The following PRKAA2 variants were observed in gnomAD, a reference collection of about 807,000 sequenced individuals.
PRKAA2 encodes 5'-AMP-activated protein kinase catalytic subunit alpha-2.
In PRKAA2, 40 loss-of-function variants were observed where a neutral mutation model predicts 56.3. That is an observed-to-expected ratio of 0.71 (90% CI 0.55 to 0.92). PRKAA2 has a LOEUF of 0.92. Ranked by LOEUF, PRKAA2 falls within the 40% of genes least tolerant of loss-of-function variation. PRKAA2 has a pLI of 0.00. For synonymous variants in PRKAA2, 214 were observed against 234.2 expected (o/e 0.91, Z 0.79); for missense variants, 542 against 686.9 (o/e 0.79, Z 2.36).
chr1:56,648,103 G>T (rs1307213573), intron 1 of PRKAA2, among the ~76,000 whole-genome samples: 2 of 151,840 alleles, frequency 1.3e-5, no homozygotes, highest in African/African-American at 2.4e-5. Context: ...TCCATTCTAA[G>T]TGTACAATTC....
intron 2 of PRKAA2, among the ~76,000 whole-genome samples, chr1:56,678,584 T>A (rs544436767): frequency 6.6e-6 from 1 of 152,346 alleles, no homozygotes; most frequent in African/African-American, 2.4e-5. Flanking sequence ...AAGTAGAATT[T>A]GTTGAATTGA....
chr1:56,649,218 A>G (rs1247385223), intron 1 of PRKAA2, among the ~76,000 whole-genome samples: 1 of 152,110 alleles, frequency 6.6e-6, no homozygotes. Context: ...ATCTATTTTG[A>G]GTTAATTCTT....
chr1:56,676,971 G>C (rs538484529), intron 2 of PRKAA2, among the ~76,000 whole-genome samples: 1 of 152,288 alleles, frequency 6.6e-6, no homozygotes, highest in East Asian at 1.9e-4. Flanking sequence ...TGAGGTCCCT[G>C]AAATTGCATG....
intron 2 of PRKAA2, among the ~76,000 whole-genome samples, chr1:56,686,514 A>G (rs1644192190): frequency 2.0e-5 from 3 of 152,194 alleles, no homozygotes; most frequent in Admixed American, 2.0e-4. Context: ...CAGGCTGTAC[A>G]GGAAACATGG....
Position 56,645,348 on chromosome 1 carries a change from CGGA to C in PRKAA2, c.-38_-36del, listed in dbSNP as rs1646630549. 7.0e-7 allele frequency: 1 copy of C among 1,419,794 alleles called. No homozygotes were observed. The highest frequency in any genetic ancestry group is 1.3e-5 in the South Asian group (1 of 77,708). The allele number at this position is 1,419,794 out of a possible 1,614,324, so 87.9% of individuals were successfully genotyped here. On this transcript the variant is annotated 5_prime_UTR_variant, in exon 1 of 9. Transcript: ENST00000371244. ...GTAGGCGGCGGCGGCGGCGGCTACG[CGGA>C]GCGGCAGGCGGTGGAGCGAGGCCGC...
chr1:56,656,832 A>G (rs760160071), intron 1 of PRKAA2, among the ~76,000 whole-genome samples: 8 of 152,204 alleles, frequency 5.3e-5, no homozygotes, highest in Non-Finnish European at 1.0e-4. Flanking sequence ...AAGTTCTCAT[A>G]AAAAGCTAAG....
At chr1:56,648,715 T>G (rs1469128117) in intron 1 of PRKAA2, among the ~76,000 whole-genome samples, 3 of 152,180 alleles carry the variant, frequency 2.0e-5, no homozygotes, top group African/African-American at 7.2e-5. Flanking sequence ...TTGCCAACAT[T>G]TGTTATTGTC....
chr1:56,682,396 TGAA>T (rs1644161288), intron 2 of PRKAA2, among the ~76,000 whole-genome samples: 1 of 152,126 alleles, frequency 6.6e-6, no homozygotes, highest in Non-Finnish European at 1.5e-5. Flanking sequence ...TAAAGGATGA[TGAA>T]GATCTGACAT....
intron 1 of PRKAA2, among the ~76,000 whole-genome samples, chr1:56,653,569 G>A (rs1188568928): frequency 3.3e-5 from 5 of 152,158 alleles, no homozygotes; most frequent in Non-Finnish European, 5.9e-5. Context: ...CTCTTCTAGT[G>A]TTGTGAGAAG....
At position 56,713,538 on chromosome 1, in the gene PRKAA2, A is replaced by T. The variant is rs1302334422; in HGVS notation, c.*5825A>T. 1.3e-5 allele frequency: 2 copies of T among 152,126 alleles called. No homozygotes were observed. The highest frequency in any genetic ancestry group is 2.9e-5 in the Non-Finnish European group (2 of 68,024). 9.4% of individuals were successfully genotyped at this position (152,126 alleles called of 1,614,324 possible). A position where few individuals can be genotyped will look rare whatever the true frequency, so the allele number is the denominator to read the frequency against. Reference sequence around the variant, plus strand: ...AGAGCACTCTCCAGAAAAAAAAATGAAAAAAGAATTTGGAGAATATCCTGG... The same window carrying T: ...AGAGCACTCTCCAGAAAAAAAAATGTAAAAAGAATTTGGAGAATATCCTGG... On this transcript the variant is annotated 3_prime_UTR_variant, in exon 9 of 9. Transcript: ENST00000371244.
chr1:56,696,255 C>G, intron 6 of PRKAA2, 96 bp downstream of exon 6: 4 of 1,117,308 alleles, frequency 3.6e-6, no homozygotes, highest in Non-Finnish European at 5.2e-6. Context: ...CTGCCCTCAC[C>G]ACCTCACCCC....
At chr1:56,665,815 G>T (rs555599371) in intron 1 of PRKAA2, among the ~76,000 whole-genome samples, 1 of 152,206 alleles carries the variant, frequency 6.6e-6, no homozygotes, top group Non-Finnish European at 1.5e-5. Flanking sequence ...ACCTTTTCAT[G>T]TTTATTGACT....
chr1:56,684,430 T>C (rs11807758), intron 2 of PRKAA2, among the ~76,000 whole-genome samples: 18,381 of 151,890 alleles, frequency 0.12, 1,654 homozygotes, highest in African/African-American at 0.24. Context: ...TTTAAAGCCC[T>C]AAGACTGGAT....
intron 2 of PRKAA2, among the ~76,000 whole-genome samples, chr1:56,687,573 T>C (rs1644200695): frequency 6.6e-6 from 1 of 152,050 alleles, no homozygotes; most frequent in Non-Finnish European, 1.5e-5. Context: ...TCTTGGCCTT[T>C]TTGTCTGAGT....
intron 1 of PRKAA2, among the ~76,000 whole-genome samples, chr1:56,652,008 ATTTTTTTTTTTTT>A (rs35462805): frequency 5.6e-5 from 6 of 106,526 alleles, no homozygotes; most frequent in South Asian, 3.0e-4. Context: ...CGCCTGGCTA[ATTTTTTTTTTTTT>A]TTTTTTTTTG....
In PRKAA2 at chr1:56,713,288, G is replaced by A. The variant is rs1644381232; in HGVS notation, c.*5575G>A. On this transcript the variant is annotated 3_prime_UTR_variant, in exon 9 of 9. Coordinates refer to ENST00000371244, the MANE Select transcript of PRKAA2 (RefSeq NM_006252.4). The stretch of plus-strand genomic sequence containing the variant: ...GATAAGAATCAGGCTGGGTCTAGAA[G>A]AGTTATCAGACTGTAGGCCTGTATT... 1 of 152,174 alleles carries A rather than the reference G, an allele frequency of 6.6e-6. No homozygotes were observed. Among genetic ancestry groups the A allele is most frequent in the African/African-American group, 2.4e-5 (1 of 41,458 alleles). 9.4% of individuals were successfully genotyped at this position (152,174 alleles called of 1,614,324 possible).
intron 2 of PRKAA2, among the ~76,000 whole-genome samples, chr1:56,681,127 A>G (rs1028381721): frequency 6.6e-6 from 1 of 152,156 alleles, no homozygotes; most frequent in African/African-American, 2.4e-5. Flanking sequence ...AGCATTTTTC[A>G]TGTGTCTGTT....
intron 1 of PRKAA2, among the ~76,000 whole-genome samples, chr1:56,647,804 C>T (rs1439839826): frequency 6.6e-6 from 1 of 151,124 alleles, no homozygotes. Flanking sequence ...CTGAGGCGGG[C>T]GGTTCAATTG....
chr1:56,704,004 T>C lies in PRKAA2; in HGVS notation c.822T>C (p.Ser274=). 2 of 1,612,434 alleles carry C rather than the reference T, an allele frequency of 1.2e-6. No individual in the cohort carries two copies. The highest frequency in any genetic ancestry group is 1.7e-6 in the Non-Finnish European group (2 of 1,178,988). The change falls in exon 7 of 9, where the codon AGT becomes AGC. Residue 274 remains serine, a synonymous_variant. Transcript: ENST00000371244. ...EHEWFKQDLP[S]YLFPEDPSYD... ...AATGGTTTAAACAAGATTTGCCCAG[T>C]TACTTATTTCCTGAAGACCCTTCCT...
Sources: allele counts gnomAD v4.1 joint callset (sites outside exome capture counted in the v4.1 genomes callset), GRCh38; gene constraint gnomAD v4.1.1; transcripts MANE v1.5; gene names NCBI Gene and HGNC (gene_info 2026-07-23, HGNC 2026-07-21).